ZNF679: variants seen among roughly 807,000 people sequenced by gnomAD.
ZNF679 encodes the protein zinc finger protein 679.
In ZNF679, 10 loss-of-function variants were observed where a neutral mutation model predicts 13.4. The observed-to-expected ratio is 0.75, with a 90% CI of 0.46 to 1.27. ZNF679 has a LOEUF of 1.27. Ranked by LOEUF, ZNF679 falls within the 50% of genes most tolerant of loss-of-function variation. The pLI, the probability that ZNF679 is intolerant of heterozygous loss-of-function variation, is 0.00. For synonymous variants in ZNF679, 179 were observed against 162.5 expected, an observed-to-expected ratio of 1.10 and a Z score of -0.77; for missense variants, 525 against 477.8, an observed-to-expected ratio of 1.10 and a Z score of -0.92.
At chr7:64,261,245 G>T (rs1305915666) in intron 4 of ZNF679, among the ~76,000 whole-genome samples, 2 of 150,550 alleles carry the variant, frequency 1.3e-5, no homozygotes, top group African/African-American at 4.8e-5. Context: ...GCATATTTTT[G>T]AGAAACTCTA....
chr7:64,260,056 C>G (rs1425598319), intron 2 of ZNF679, among the ~76,000 whole-genome samples, 165 bp from the exon 3 acceptor site: 2 of 152,104 alleles, frequency 1.3e-5, no homozygotes, highest in Admixed American at 1.3e-4. Flanking sequence ...TTAGAGAATA[C>G]TTCAGTGTTA....
At chr7:64,241,668 C>T (rs1273465370) in intron 1 of ZNF679, among the ~76,000 whole-genome samples, 1 of 152,194 alleles carries the variant, frequency 6.6e-6, no homozygotes, top group East Asian at 1.9e-4. Context: ...AGAGTTATAT[C>T]ATTTGGGTTA....
intron 1 of ZNF679, among the ~76,000 whole-genome samples, chr7:64,247,789 T>C (rs1787887897): frequency 6.6e-6 from 1 of 152,066 alleles, no homozygotes; most frequent in South Asian, 2.1e-4. Flanking sequence ...TGACTTCAGG[T>C]GGTCGACCAC....
intron 1 of ZNF679, among the ~76,000 whole-genome samples, chr7:64,239,973 G>C (rs1382807828): frequency 6.6e-6 from 1 of 152,080 alleles, no homozygotes; most frequent in East Asian, 1.9e-4. Flanking sequence ...CATCTCTCTA[G>C]GCCCATCGCC....
chr7:64,236,929 GAA>G (rs760410740), intron 1 of ZNF679, among the ~76,000 whole-genome samples: 1 of 29,908 alleles, frequency 3.3e-5, no homozygotes, highest in Non-Finnish European at 6.0e-5. Context: ...AAAGAAGAAA[GAA>G]AGAAAGAAAG....
rs1266931160 is a variant in ZNF679 at position 64,266,096 on chromosome 7, A to G, written c.463A>G (p.Ile155Val). Reference sequence around the variant, plus strand: ...ATGTTTGTCAACTACCCAAAACAAAATATTTCAGACTCATAAATGTGTCAA... The same window carrying G: ...ATGTTTGTCAACTACCCAAAACAAAGTATTTCAGACTCATAAATGTGTCAA... The part of the protein sequence containing the change: ...NQCLSTTQNK[I>V]FQTHKCVKVF... Residue 155 changes from isoleucine (I) to valine (V), a missense_variant, in exon 5 of 5, where the codon ATA (isoleucine) becomes GTA (valine). Coordinates refer to ENST00000421025, the MANE Select transcript of ZNF679 (RefSeq NM_153363.3). 6.2e-7 allele frequency: 1 copy of G among 1,612,854 alleles called. No individual in the cohort carries two copies. Among genetic ancestry groups the G allele is most frequent in the African/African-American group, 1.3e-5 (1 of 75,060 alleles).
intron 1 of ZNF679, among the ~76,000 whole-genome samples, chr7:64,233,140 C>T (rs1310019917): frequency 1.3e-5 from 2 of 151,746 alleles, no homozygotes; most frequent in Non-Finnish European, 2.9e-5. Context: ...ACTTGGGAGG[C>T]TGAGGCAGGA....
At chr7:64,246,098 C>T (rs762176761) in intron 1 of ZNF679, among the ~76,000 whole-genome samples, 2 of 152,170 alleles carry the variant, frequency 1.3e-5, no homozygotes, top group Admixed American at 6.5e-5. Context: ...GGAGAGGGGC[C>T]TCTCACCCCC....
intron 2 of ZNF679, among the ~76,000 whole-genome samples, chr7:64,256,375 C>A (rs1157683434): frequency 6.6e-6 from 1 of 152,166 alleles, no homozygotes; most frequent in Non-Finnish European, 1.5e-5. Context: ...CTGTAATAAA[C>A]ATGTGTGTGC....
At chr7:64,263,387 G>C (rs1270881584) in intron 4 of ZNF679, among the ~76,000 whole-genome samples, 1 of 152,136 alleles carries the variant, frequency 6.6e-6, no homozygotes, top group Non-Finnish European at 1.5e-5. Context: ...CACTGCACCT[G>C]GCTGATCTTT....
At chr7:64,249,641 G>A (rs1340776631) in intron 2 of ZNF679, among the ~76,000 whole-genome samples, 1 of 152,144 alleles carries the variant, frequency 6.6e-6, no homozygotes, top group African/African-American at 2.4e-5. Flanking sequence ...GTGGGTTGTG[G>A]TCCATGGGAG....
chr7:64,239,141 A>G (rs983785827), intron 1 of ZNF679, among the ~76,000 whole-genome samples: 1 of 152,174 alleles, frequency 6.6e-6, no homozygotes, highest in African/African-American at 2.4e-5. Context: ...TACACAGCTC[A>G]TGATTGAGGT....
intron 1 of ZNF679, among the ~76,000 whole-genome samples, chr7:64,247,339 C>G (rs1356707471): frequency 2.0e-5 from 3 of 152,184 alleles, no homozygotes; most frequent in Non-Finnish European, 4.4e-5. Context: ...GATGCAGTTG[C>G]TCTGGTTCAA....
chr7:64,236,250 A>G (rs1787710022), intron 1 of ZNF679, among the ~76,000 whole-genome samples: 1 of 152,128 alleles, frequency 6.6e-6, no homozygotes, highest in African/African-American at 2.4e-5. Context: ...GGGCAACAGG[A>G]TGAGACTCTG....
chr7:64,236,928 A>G (rs1787724747), intron 1 of ZNF679, among the ~76,000 whole-genome samples: 1 of 38,154 alleles, frequency 2.6e-5, no homozygotes, highest in South Asian at 7.8e-4. Flanking sequence ...GAAAGAAGAA[A>G]GAAAGAAAGA....
At chr7:64,231,093 C>G (rs1003850809) in intron 1 of ZNF679, among the ~76,000 whole-genome samples, 1 of 152,188 alleles carries the variant, frequency 6.6e-6, no homozygotes, top group African/African-American at 2.4e-5. Context: ...ATGACACTCT[C>G]TGTGCCACTC....
intron 2 of ZNF679, among the ~76,000 whole-genome samples, chr7:64,250,126 G>C (rs1043008826): frequency 2.6e-5 from 4 of 151,998 alleles, no homozygotes; most frequent in African/African-American, 9.7e-5. Flanking sequence ...ACAGGCATGA[G>C]CCACCGCCCC....
At chr7:64,228,813 G>T (rs1210054169) in intron 1 of ZNF679, among the ~76,000 whole-genome samples, 161 bp downstream of exon 1, 1 of 152,198 alleles carries the variant, frequency 6.6e-6, no homozygotes, top group African/African-American at 2.4e-5. Context: ...CTGTTGATCA[G>T]ATGCATGTAT....
At chr7:64,246,016 A>T (rs2116524357) in intron 1 of ZNF679, among the ~76,000 whole-genome samples, 1 of 152,314 alleles carries the variant, frequency 6.6e-6, no homozygotes, top group South Asian at 2.1e-4. Flanking sequence ...CAAAACAAAC[A>T]AACAAACACA....
Sources: allele counts gnomAD v4.1 joint callset (sites outside exome capture counted in the v4.1 genomes callset), GRCh38; gene constraint gnomAD v4.1.1; transcripts MANE v1.5; gene names NCBI Gene and HGNC (gene_info 2026-07-23, HGNC 2026-07-21).